The following SLC15A4 variants were observed in gnomAD, a reference collection of about 807,000 sequenced individuals.
SLC15A4 encodes the protein hPHT1.
A neutral mutation model predicts 46.1 loss-of-function variants in SLC15A4; 26 were observed. The ratio of observed to expected loss-of-function variants is 0.56; its 90% confidence interval spans 0.41 to 0.78. The LOEUF (loss-of-function observed/expected upper bound fraction) is 0.78, where lower values mean the gene tolerates loss of function less well. Ranked by LOEUF, SLC15A4 falls within the 30% of genes least tolerant of loss-of-function variation. SLC15A4 has a pLI of 0.00. For synonymous variants in SLC15A4, 370 were observed against 333.4 expected (o/e 1.11, Z -1.20); for missense variants, 751 against 755.7 (o/e 0.99, Z 0.07).
chr12:128,796,183 G>A (rs1324825353), intron 7 of SLC15A4, among the ~76,000 whole-genome samples: 1 of 152,074 alleles, frequency 6.6e-6, no homozygotes, highest in Non-Finnish European at 1.5e-5. Flanking sequence ...CCAGCACTTT[G>A]GGAGGCCAAG....
chr12:128,816,253 C>T (rs1755970162), intron 1 of SLC15A4, among the ~76,000 whole-genome samples: 1 of 152,146 alleles, frequency 6.6e-6, no homozygotes, highest in Non-Finnish European at 1.5e-5. Context: ...CTCTGCCCAC[C>T]TGGATTTTTA....
chr12:128,797,749 G>T (rs1470474617), intron 7 of SLC15A4, among the ~76,000 whole-genome samples: 2 of 152,226 alleles, frequency 1.3e-5, no homozygotes, highest in Non-Finnish European at 2.9e-5. Context: ...AATTCAGGGA[G>T]AACTCTCTCT....
chr12:128,798,744 G>A (rs1955477941), intron 7 of SLC15A4, among the ~76,000 whole-genome samples: 1 of 152,018 alleles, frequency 6.6e-6, no homozygotes, highest in Non-Finnish European at 1.5e-5. Flanking sequence ...GCCACCTACT[G>A]GTATTAATTG....
At chr12:128,795,127 G>C (rs1426769391) in intron 7 of SLC15A4, among the ~76,000 whole-genome samples, 2 of 152,098 alleles carry the variant, frequency 1.3e-5, no homozygotes, top group African/African-American at 4.8e-5. Flanking sequence ...TAGCATCACA[G>C]ATTGCACTAT....
At chr12:128,816,941 A>T (rs970435279) in intron 1 of SLC15A4, among the ~76,000 whole-genome samples, 1 of 152,246 alleles carries the variant, frequency 6.6e-6, no homozygotes, top group East Asian at 1.9e-4. Flanking sequence ...AGTAAAATTT[A>T]TAGTTAAAAT....
intron 3 of SLC15A4, chr12:128,809,724 A>G: frequency 1.1e-5 from 6 of 546,088 alleles, no homozygotes; most frequent in South Asian, 2.8e-5. Flanking sequence ...CTGAAAAACC[A>G]GAAGCGTACC....
intron 2 of SLC15A4, chr12:128,814,216 TATGATGGACCTGACCGCC>T: frequency 5.0e-6 from 1 of 201,208 alleles, no homozygotes; most frequent in Non-Finnish European, 1.0e-5. Flanking sequence ...CTGACCGCCG[TATGATGGACCTGACCGCC>T]GTATGATGGA....
At chr12:128,809,105 G>T in intron 4 of SLC15A4, 149 bp from the exon 5 acceptor site, 1 of 721,822 alleles carries the variant, frequency 1.4e-6, no homozygotes. Context: ...CAACGGAACT[G>T]GGAAAAGATT....
intron 2 of SLC15A4, among the ~76,000 whole-genome samples, chr12:128,812,670 C>G (rs1047451333): frequency 1.6e-4 from 24 of 152,176 alleles, no homozygotes; most frequent in African/African-American, 5.8e-4. Flanking sequence ...ACTGACAGGG[C>G]CCTTATCATG....
intron 1 of SLC15A4, among the ~76,000 whole-genome samples, chr12:128,822,714 G>C (rs112799501): frequency 6.6e-6 from 1 of 152,122 alleles, no homozygotes; most frequent in African/African-American, 2.4e-5. Context: ...ACCACGCTCG[G>C]CTAATTTTTG....
chr12:128,806,782 G>A (rs1464083985), intron 5 of SLC15A4, among the ~76,000 whole-genome samples: 5 of 152,076 alleles, frequency 3.3e-5, no homozygotes, highest in Non-Finnish European at 7.4e-5. Context: ...TGTCACACTA[G>A]GTCAGAGCGC....
At chr12:128,815,362 C>G (rs996550427) in intron 1 of SLC15A4, 25 of 342,326 alleles carry the variant, frequency 7.3e-5, no homozygotes, top group African/African-American at 5.2e-4. Flanking sequence ...ACCTGAACCA[C>G]TTGCCTTGGA....
rs1955829110 is a variant in SLC15A4 at position 128,821,077 on chromosome 12, G to C, written c.546+2321C>G. On this transcript the variant is annotated intron_variant, in intron 1 of 7. Coordinates refer to ENST00000266771, the MANE Select transcript of SLC15A4 (RefSeq NM_145648.4). Reference sequence around the variant, plus strand: ...TACACAGCTGGCTCCCATTCACAAGGCCCTCAGCAGTGCAGATGCTGGCGC... The same window carrying C: ...TACACAGCTGGCTCCCATTCACAAGCCCCTCAGCAGTGCAGATGCTGGCGC... 4.6e-5 allele frequency among the ~76,000 whole-genome samples: 7 copies of C among 152,122 alleles called. 1 individual carries two copies. The highest frequency in any genetic ancestry group is 3.3e-4 in the Admixed American group (5 of 15,272).
Position 128,799,344 on chromosome 12 carries a change from A to G in SLC15A4, c.1488T>C (p.Ser496=). 6.2e-7 allele frequency: 1 copy of G among 1,614,198 alleles called. No individual in the cohort carries two copies. Among genetic ancestry groups the G allele is most frequent in the Non-Finnish European group, 8.5e-7 (1 of 1,180,038 alleles). The change falls in exon 7 of 8, where the codon TCT becomes TCC. Residue 496 remains serine, a synonymous_variant. Coordinates refer to ENST00000266771, the MANE Select transcript of SLC15A4 (RefSeq NM_145648.4). ...SAIMGLFFFF[S]GVGSFVGSGL... is the part of the protein sequence containing the mutation. ...CAGAACCCACGAACGACCCGACGCC[A>G]GAGAAGAAAAAGAACAAGCCCATTA... is the stretch of plus-strand genomic sequence containing the variant.
intron 2 of SLC15A4, among the ~76,000 whole-genome samples, chr12:128,811,728 C>T (rs184172623): frequency 6.6e-6 from 1 of 152,266 alleles, no homozygotes; most frequent in East Asian, 1.9e-4. Context: ...TATTAAATAC[C>T]TTTCACTAAA....
intron 5 of SLC15A4, among the ~76,000 whole-genome samples, chr12:128,804,730 T>G (rs1353038317): frequency 6.6e-6 from 1 of 152,136 alleles, no homozygotes; most frequent in Non-Finnish European, 1.5e-5. Flanking sequence ...GACCCTGTCT[T>G]GAAAATGAAA....
chr12:128,805,211 T>C (rs1156991201), intron 5 of SLC15A4, among the ~76,000 whole-genome samples: 1 of 152,230 alleles, frequency 6.6e-6, no homozygotes, highest in East Asian at 1.9e-4. Flanking sequence ...AAATACCTAC[T>C]TTAACAAGCA....
chr12:128,794,578 G>T (rs558795633), intron 7 of SLC15A4, among the ~76,000 whole-genome samples: 13 of 152,288 alleles, frequency 8.5e-5, no homozygotes, highest in African/African-American at 3.1e-4. Flanking sequence ...CTGGAGGTGG[G>T]CTGTCTGCAG....
rs1274735814 is a variant in SLC15A4 at position 128,823,867 on chromosome 12, G to GCCGCCGCGGCCGCCGCCGC, written c.58_76dup (p.Ala26GlyfsTer165). 1 of 976,344 alleles carries GCCGCCGCGGCCGCCGCCGC rather than the reference G, an allele frequency of 1.0e-6. No individual in the cohort carries two copies. The highest frequency in any genetic ancestry group is 1.2e-6 in the Non-Finnish European group (1 of 822,898). 60.5% of individuals were successfully genotyped at this position (976,344 alleles called of 1,614,324 possible). A position where few individuals can be genotyped will look rare whatever the true frequency, so the allele number is the denominator to read the frequency against. On this transcript the variant is annotated frameshift_variant, in exon 1 of 8. Transcript: ENST00000266771. LOFTEE classifies it high-confidence loss of function. ...GCGCCGGCCCGCGAACGCCCCAGCC[G>GCCGCCGCGGCCGCCGCCGC]CCGCCGCGGCCGCCGCCGCCCGCCG...
Sources: gnomAD v4.1 joint callset for allele counts (sites outside exome capture counted in the v4.1 genomes callset) on GRCh38, gnomAD v4.1.1 for gene constraint, MANE v1.5 for transcripts, NCBI Gene and HGNC (gene_info 2026-07-23, HGNC 2026-07-21) for gene names.